Variants in PFKFB2 observed in about 807,000 individuals in gnomAD.
PFKFB2 encodes 6-phosphofructo-2-kinase/fructose-2,6-bisphosphatase 2.
In PFKFB2, 53 loss-of-function variants were observed where a neutral mutation model predicts 68.0. The ratio of observed to expected loss-of-function variants is 0.78; its 90% CI spans 0.63 to 0.98. The LOEUF is 0.98. PFKFB2 is among the 50% of genes least tolerant of loss of function. The pLI is 0.00. For synonymous variants in PFKFB2, 222 were observed against 227.6 expected, an observed-to-expected ratio of 0.98 and a Z score of 0.22; for missense variants, 451 against 642.0, an observed-to-expected ratio of 0.70 and a Z score of 3.22.
intron 2 of PFKFB2, among the ~76,000 whole-genome samples, chr1:207,057,947 T>G (rs565360771): frequency 3.7e-4 from 57 of 152,326 alleles, no homozygotes; most frequent in Middle Eastern, 3.4e-3. Context: ...CACGTACACC[T>G]TTGCACATTT....
downstream of PFKFB2, chr1:207,079,957 CT>C (rs1239186706): frequency 1.3e-5 from 2 of 152,220 alleles, no homozygotes; most frequent in South Asian, 2.1e-4. Flanking sequence ...GTGGCTGTGA[CT>C]TGGAGGGCAG....
chr1:207,063,012 A>T lies in PFKFB2; in HGVS notation c.309-131A>T. ...CCTCAGTGAGAAAGTTGAAAGATCTAGTTAGAGAAAGGTTTTGAACAGTGG... is the reference window on the plus strand; with the variant it reads ...CCTCAGTGAGAAAGTTGAAAGATCTTGTTAGAGAAAGGTTTTGAACAGTGG... On this transcript the variant is annotated intron_variant, in intron 4 of 14. Coordinates refer to ENST00000367080, the MANE Select transcript of PFKFB2 (RefSeq NM_006212.2). The surrounding 1 kb of genome is among the most constrained non-coding windows in gnomAD (Gnocchi z 4.1). The T allele has an allele frequency of 1.3e-6, 1 of 793,298 alleles. No homozygotes were observed. Among genetic ancestry groups the T allele is most frequent in the Non-Finnish European group, 2.2e-6 (1 of 459,328 alleles). 49.1% of individuals were successfully genotyped at this position (793,298 alleles called of 1,614,324 possible).
intron 2 of PFKFB2, among the ~76,000 whole-genome samples, chr1:207,057,107 G>A (rs75135370): frequency 5.1e-4 from 78 of 152,088 alleles, no homozygotes; most frequent in Admixed American, 2.0e-3. Flanking sequence ...GCTACTGGCC[G>A]AGGTGCCTTT....
At chr1:207,057,089 G>A (rs957915660) in intron 2 of PFKFB2, among the ~76,000 whole-genome samples, 9 of 152,142 alleles carry the variant, frequency 5.9e-5, no homozygotes, top group Admixed American at 3.9e-4. Context: ...GGGATGGGGC[G>A]AAGAGGGGCT....
intron 9 of PFKFB2, among the ~76,000 whole-genome samples, 166 bp from the exon 10 acceptor site, chr1:207,067,997 G>T (rs1375394921): frequency 6.6e-6 from 1 of 152,080 alleles, no homozygotes; most frequent in African/African-American, 2.4e-5. Flanking sequence ...TTCCTTTTGG[G>T]TTTATATTAA....
chr1:207,077,217 C>T lies in PFKFB2; in HGVS notation c.*4846C>T. 1.0e-6 allele frequency: 1 copy of T among 985,298 alleles called. No individual in the cohort carries two copies. The allele number at this position is 985,298 out of a possible 1,614,324, so 61.0% of individuals were successfully genotyped here. A position where few individuals can be genotyped will look rare whatever the true frequency, so the allele number is the denominator to read the frequency against. On this transcript the variant is annotated 3_prime_UTR_variant, in exon 15 of 15. Coordinates refer to ENST00000367080, the MANE Select transcript of PFKFB2 (RefSeq NM_006212.2). ...GAAGCTTCTGTGTCCCCAGCTTACC[C>T]TGTTCTGAAATGTTGTATTCCATTG...
chr1:207,067,619 C>G lies in PFKFB2; in HGVS notation c.753C>G (p.Thr251=), dbSNP rs201110872. ...TGAATATCCACGTCCAGCCTCGCACCATTTACCTTTGCCGGCATGGAGAAA... is the reference window on the plus strand; with the variant it reads ...TGAATATCCACGTCCAGCCTCGCACGATTTACCTTTGCCGGCATGGAGAAA... ...YLMNIHVQPR[T]IYLCRHGESE... The change falls in exon 9 of 15, where the codon ACC becomes ACG. Residue 251 remains threonine (T), a synonymous_variant. Transcript: ENST00000367080. 1.6e-5 allele frequency: 26 copies of G among 1,613,974 alleles called. No individual in the cohort carries two copies. The East Asian group carries it at 5.8e-4, about 36-fold the overall frequency.
At chr1:207,050,124 C>G (rs1423253669), upstream of PFKFB2, among the ~76,000 whole-genome samples, 1 of 152,202 alleles carries the variant, frequency 6.6e-6, no homozygotes, top group Non-Finnish European at 1.5e-5. Context: ...ATCCTTGATA[C>G]AGCAACTGAA....
intron 2 of PFKFB2, among the ~76,000 whole-genome samples, chr1:207,043,588 T>C (rs1374508809): frequency 1.3e-5 from 2 of 152,196 alleles, no homozygotes; most frequent in Non-Finnish European, 2.9e-5. Context: ...CACTGACAAC[T>C]TGTCAGCAAC....
intron 7 of PFKFB2, 55 bp from the exon 8 acceptor site, chr1:207,064,981 A>G: frequency 6.4e-7 from 1 of 1,562,624 alleles, no homozygotes; most frequent in Non-Finnish European, 8.7e-7. Flanking sequence ...TATTTGTAGG[A>G]GGACTGTTAC....
At chr1:207,062,860 C>A in intron 4 of PFKFB2, 144 bp downstream of exon 4, 2 of 825,294 alleles carry the variant, frequency 2.4e-6, no homozygotes, top group Non-Finnish European at 3.9e-6. Context: ...TGACCTTGGG[C>A]TTGGGTGGTC....
At position 207,076,833 on chromosome 1, in the gene PFKFB2, T is replaced by C; in HGVS notation, c.*4462T>C. The C allele has an allele frequency of 1.0e-6, 1 of 985,366 alleles. No individual in the cohort carries two copies. The highest frequency in any genetic ancestry group is 1.2e-6 in the Non-Finnish European group (1 of 829,906). The allele number at this position is 985,366 out of a possible 1,614,324, so 61.0% of individuals were successfully genotyped here. Reference sequence around the variant, plus strand: ...AATTTGGGTGTTGCCTGACTAACGGTCTAGGGTCTGTAAGCTGACAGTCTG... The same window carrying C: ...AATTTGGGTGTTGCCTGACTAACGGCCTAGGGTCTGTAAGCTGACAGTCTG... On this transcript the variant is annotated 3_prime_UTR_variant, in exon 15 of 15. Transcript: ENST00000367080.
In PFKFB2 at chr1:207,063,349, G is replaced by A; in HGVS notation, c.378G>A (p.Val126=). ...YLTEENGQIA[V]FDATNTTRER... Reference sequence around the variant, plus strand: ...TACCTTGTGTACTTTCTTCACAGGTGTTTGATGCCACCAATACAACCCGGG... The same window carrying A: ...TACCTTGTGTACTTTCTTCACAGGTATTTGATGCCACCAATACAACCCGGG... Residue 126 remains valine, a splice_region_variant and synonymous_variant, in exon 6 of 15, where the codon GTG becomes GTA. Transcript: ENST00000367080. The surrounding 1 kb of genome is among the most constrained non-coding windows in gnomAD (Gnocchi z 4.1). 6.2e-7 allele frequency: 1 copy of A among 1,612,894 alleles called. No individual in the cohort carries two copies.
upstream of PFKFB2, chr1:207,050,962 G>T (rs757828294): frequency 1.3e-6 from 2 of 1,556,182 alleles, no homozygotes; most frequent in Non-Finnish European, 1.7e-6. Context: ...CAGCCTGTTG[G>T]GAGACGCCGC....
At chr1:207,043,730 A>G (rs1572706895) in intron 2 of PFKFB2, 1 of 152,620 alleles carries the variant, frequency 6.6e-6, no homozygotes, top group East Asian at 1.9e-4. Context: ...CTAAAGGGTG[A>G]TATTTGGCAG....
Position 207,074,477 on chromosome 1 carries a change from C to A in PFKFB2, c.*2106C>A. The A allele has an allele frequency of 1.0e-6, 1 of 985,350 alleles. No homozygotes were observed. The highest frequency in any genetic ancestry group is 1.2e-6 in the Non-Finnish European group (1 of 829,910). The allele number at this position is 985,350 out of a possible 1,614,324, so 61.0% of individuals were successfully genotyped here. A position where few individuals can be genotyped will look rare whatever the true frequency, so the allele number is the denominator to read the frequency against. On this transcript the variant is annotated 3_prime_UTR_variant, in exon 15 of 15. Coordinates refer to ENST00000367080, the MANE Select transcript of PFKFB2 (RefSeq NM_006212.2). ...TAAGCACCCTGGAGAGAGGTGCAGA[C>A]CCTGCCAGGATGATAAAGGTTGTCA...
At chr1:207,061,165 TTATATATATATATATA>T (rs201702529) in intron 2 of PFKFB2, among the ~76,000 whole-genome samples, 8,158 of 45,064 alleles carry the variant, frequency 0.18, 743 homozygotes, top group Middle Eastern at 0.38. Context: ...ATATATATCT[TTATATATATATATATA>T]TATATATATA....
rs1683629837 is a variant in PFKFB2, at chr1:207,076,589, T to C, written c.*4218T>C. The C allele has an allele frequency of 8.2e-6, 7 of 853,540 alleles. No individual in the cohort carries two copies. In the South Asian group the frequency reaches 3.5e-4, roughly 43 times the overall value. The allele number at this position is 853,540 out of a possible 1,614,324, so 52.9% of individuals were successfully genotyped here. A position where few individuals can be genotyped will look rare whatever the true frequency, so the allele number is the denominator to read the frequency against. ...TGTCCAGGGATTTAATTTAGACCCATACTGTCCAGGAGACTGTCTCTAGTT... is the reference window on the plus strand; with the variant it reads ...TGTCCAGGGATTTAATTTAGACCCACACTGTCCAGGAGACTGTCTCTAGTT... On this transcript the variant is annotated 3_prime_UTR_variant, in exon 15 of 15. Transcript: ENST00000367080.
rs764651896 is a variant in PFKFB2, at chr1:207,070,274, CCA to C, written c.1093-3_1093-2del. 1 of 1,612,940 alleles carries C rather than the reference CCA, an allele frequency of 6.2e-7. No individual in the cohort carries two copies. The highest frequency in any genetic ancestry group is 1.1e-5 in the South Asian group (1 of 91,018). ...TCCTGCCAGCCTGCCCCATTTCCCT[CCA>C]CAGTCATACCAGGACCTGGTGCAGC... On this transcript the variant is annotated splice_polypyrimidine_tract_variant and splice_region_variant and intron_variant, in intron 11 of 14. Coordinates refer to ENST00000367080, the MANE Select transcript of PFKFB2 (RefSeq NM_006212.2). This position sits in a 1 kb window ranked among gnomAD's most constrained non-coding sequence, Gnocchi z 4.2.
Sources: allele counts gnomAD v4.1 joint callset (sites outside exome capture counted in the v4.1 genomes callset), GRCh38; gene constraint gnomAD v4.1.1; non-coding constraint Gnocchi (gnomAD v3.1); transcripts MANE v1.5; gene names NCBI Gene and HGNC (gene_info 2026-07-23, HGNC 2026-07-21).